The following SLC26A1 variants were observed in gnomAD, a reference collection of about 807,000 sequenced individuals.
SLC26A1 encodes sulfate anion transporter 1.
Under a neutral mutation model 14.5 loss-of-function variants are expected in SLC26A1, and 18 were observed. The ratio of observed to expected loss-of-function variants is 1.24; its 90% CI spans 0.86 to 1.84. SLC26A1 has a LOEUF of 1.84. SLC26A1 is among the 40% of genes most tolerant of loss of function. The probability of loss-of-function intolerance (pLI) is 0.00; values close to 1 mark genes in which losing one functional copy is unlikely to be tolerated. For missense variants in SLC26A1, 1,049 were observed against 1,020.0 expected, an observed-to-expected ratio of 1.03 and a Z score of -0.39; for synonymous variants, 505 against 492.0, an observed-to-expected ratio of 1.03 and a Z score of -0.35.
chr4:986,746 G>A, downstream of SLC26A1: 1 of 482,380 alleles, frequency 2.1e-6, no homozygotes, highest in Non-Finnish European at 4.1e-6. Context: ...GACAAAGCAA[G>A]ACTCTGTCTC....
chr4:986,679 C>A, downstream of SLC26A1: 1 of 429,882 alleles, frequency 2.3e-6, no homozygotes, highest in Middle Eastern at 3.6e-4. Flanking sequence ...ATCGCTGAAG[C>A]CCCGGAGATG....
intron 1 of SLC26A1, chr4:992,051 C>T (rs1577522730): frequency 1.4e-5 from 8 of 567,026 alleles, no homozygotes; most frequent in South Asian, 1.1e-4. Flanking sequence ...CCTATTGGCT[C>T]TGCGGTTCCT....
chr4:979,386 T>C (rs1265789372), exon 3 of SLC26A1: 35 of 1,338,132 alleles, frequency 2.6e-5, no homozygotes, highest in Non-Finnish European at 3.6e-5. Flanking sequence ...ATGTCGTTGA[T>C]GTCGGCATTT....
Position 990,289 on chromosome 4 carries a change from A to C in SLC26A1, c.650T>G (p.Met217Arg), listed in dbSNP as rs1300501994. 6.2e-7 allele frequency: 1 copy of C among 1,603,252 alleles called. No individual in the cohort carries two copies. The highest frequency in any genetic ancestry group is 8.5e-7 in the Non-Finnish European group (1 of 1,176,480). Residue 217 changes from methionine (M) to arginine (R), a missense_variant, in exon 3 of 3, where the codon ATG becomes AGG. Coordinates refer to ENST00000398516, the MANE Select transcript of SLC26A1 (RefSeq NM_022042.4). ...GGTCAGGATGGTCACGGAGGCCCCC[A>C]TGGCAAAGCCATCGAGCAGTGGCTG... The part of the protein sequence containing the change: ...LSQPLLDGFA[M>R]GASVTILTSQ...
chr4:981,592 C>T (rs1365547306), intron 2 of SLC26A1, among the ~76,000 whole-genome samples: 3 of 152,130 alleles, frequency 2.0e-5, no homozygotes, highest in East Asian at 1.9e-4. Context: ...GAGCCGTGAT[C>T]GCGCCACTGC....
At position 989,085 on chromosome 4, in the gene SLC26A1, CG is replaced by C; in HGVS notation, c.1853del (p.Pro618ArgfsTer5). 6.3e-7 allele frequency: 1 copy of C among 1,596,902 alleles called. No homozygotes were observed. Among genetic ancestry groups the C allele is most frequent in the Non-Finnish European group, 8.5e-7 (1 of 1,172,206 alleles). On this transcript the variant is annotated frameshift_variant, in exon 3 of 3. Coordinates refer to ENST00000398516, the MANE Select transcript of SLC26A1 (RefSeq NM_022042.4). LOFTEE classifies it low-confidence loss of function (END_TRUNC). ...GFHTVVIDCA[P>X]LLFLDAAGVS... ...CACCGGCTGCGTCTAGGAACAGCAG[CG>C]GGGCGCAGTCGATGACCACTGTGTG... is the stretch of plus-strand genomic sequence containing the variant.
At chr4:987,607 C>T (rs1713836356), downstream of SLC26A1, 1 of 1,434,938 alleles carries the variant, frequency 7.0e-7, no homozygotes. Flanking sequence ...GGCGTTGGCC[C>T]CTCGTCTTAC....
intron 2 of SLC26A1, among the ~76,000 whole-genome samples, chr4:981,420 C>T (rs567988137): frequency 6.6e-6 from 1 of 152,156 alleles, no homozygotes; most frequent in Non-Finnish European, 1.5e-5. Flanking sequence ...TAAACCAGCC[C>T]GGGCAAGACA....
rs1714066207 is a variant in SLC26A1, at chr4:989,583, C to T, written c.1356G>A (p.Gly452=). 6.3e-7 allele frequency: 1 copy of T among 1,597,994 alleles called. No individual in the cohort carries two copies. The highest frequency in any genetic ancestry group is 8.5e-7 in the Non-Finnish European group (1 of 1,173,990). Residue 452 remains glycine (G), a synonymous_variant, in exon 3 of 3, where the codon GGG becomes GGA. Transcript: ENST00000398516. The part of the protein sequence containing the change: ...LACVIVVSLR[G]ALRKVWDLPR... ...GGAGGTCCCACACCTTGCGCAGGGC[C>T]CCCCGCAGGCTGACCACGATGACGC... is the stretch of plus-strand genomic sequence containing the variant.
chr4:985,588 G>A (rs1481721374), downstream of SLC26A1, among the ~76,000 whole-genome samples: 1 of 152,118 alleles, frequency 6.6e-6, no homozygotes, highest in African/African-American at 2.4e-5. Context: ...TCGTTGGACT[G>A]AGGGTCTTAC....
chr4:986,700 T>G, downstream of SLC26A1: 1 of 445,958 alleles, frequency 2.2e-6, no homozygotes, highest in South Asian at 1.6e-5. Flanking sequence ...GAGGTTGCAG[T>G]GAGCTGAGAT....
At chr4:990,485 C>G (rs1220371323) in intron 2 of SLC26A1, 123 bp from the exon 3 acceptor site, 2 of 989,858 alleles carry the variant, frequency 2.0e-6, no homozygotes, top group African/African-American at 3.3e-5. Context: ...TGTGTTGCGG[C>G]CCCGTGTGTT....
rs753181255 is a variant in SLC26A1 at position 989,874 on chromosome 4, G to A, written c.1065C>T (p.Phe355=). ...AVALALVAAA[F]SISLAEMFAR... ...CGAACATCTCCGCCAGCGAGATGGA[G>A]AAGGCGGCAGCCACGAGGGCCAGGG... Residue 355 remains phenylalanine (F), a synonymous_variant, in exon 3 of 3, where the codon TTC becomes TTT. Transcript: ENST00000398516. 1.1e-5 allele frequency: 18 copies of A among 1,573,618 alleles called. No homozygotes were observed. The South Asian group carries it at 2.0e-4, about 17-fold the overall frequency.
Position 989,787 on chromosome 4 carries a change from G to A in SLC26A1, c.1152C>T (p.Asn384=), listed in dbSNP as rs140876735. The A allele has an allele frequency of 1.1e-4, 165 of 1,569,192 alleles. No individual in the cohort carries two copies. The highest frequency in any genetic ancestry group is 2.6e-4 in the Admixed American group (14 of 53,200). ...NQELLAVGCC[N]VLPAFLHCFA... ...AGCAGTGGAGGAAGGCGGGTAGCAC[G>A]TTGCAGCAGCCCACAGCCAGCAGCT... Residue 384 remains asparagine, a synonymous_variant, in exon 3 of 3, where the codon AAC becomes AAT. Coordinates refer to ENST00000398516, the MANE Select transcript of SLC26A1 (RefSeq NM_022042.4).
chr4:991,084 G>A lies in SLC26A1; in HGVS notation c.576+44C>T, dbSNP rs199626442. ...CTCGTGGATGGCCAAAACCTAAGGG[G>A]GGGTGCCCTGGGCCCCTCCCTGTGC... is the stretch of plus-strand genomic sequence containing the variant. On this transcript the variant is annotated intron_variant, in intron 2 of 2. Transcript: ENST00000398516. 471 of 1,505,058 alleles carry A rather than the reference G, an allele frequency of 3.1e-4. 3 individuals carry two copies. In the African/African-American group the frequency reaches 6.1e-3, roughly 19 times the overall value. The allele number at this position is 1,505,058 out of a possible 1,614,324, so 93.2% of individuals were successfully genotyped here.
Position 989,074 on chromosome 4 carries a change from AG to A in SLC26A1, c.1864del (p.Leu622Ter), listed in dbSNP as rs1553915173. Reference protein sequence around the residue: ...VVIDCAPLLFLDAAGVSTLQD... With the variant: ...VVIDCAPLLFXDAAGVSTLQD... The stretch of plus-strand genomic sequence containing the variant: ...CAGCGTGCTCACACCGGCTGCGTCT[AG>A]GAACAGCAGCGGGGCGCAGTCGATG... On this transcript the variant is annotated frameshift_variant, in exon 3 of 3. Coordinates refer to ENST00000398516, the MANE Select transcript of SLC26A1 (RefSeq NM_022042.4). LOFTEE classifies it low-confidence loss of function (END_TRUNC). The A allele has an allele frequency of 1.9e-6, 3 of 1,593,208 alleles. No homozygotes were observed. Among genetic ancestry groups the A allele is most frequent in the Non-Finnish European group, 2.6e-6 (3 of 1,170,364 alleles).
Position 989,191 on chromosome 4 carries a change from C to G in SLC26A1, c.1748G>C (p.Gly583Ala), listed in dbSNP as rs376515646. 5.0e-6 allele frequency: 8 copies of G among 1,607,402 alleles called. No individual in the cohort carries two copies. The African/African-American group carries it at 1.1e-4, about 21-fold the overall frequency. The change falls in exon 3 of 3, where the codon GGT becomes GCT. Residue 583 changes from glycine (G) to alanine (A), a missense_variant. Physicochemically the swap from Gly to Ala is moderately conservative, Grantham distance 60 (BLOSUM62 0). Coordinates refer to ENST00000398516, the MANE Select transcript of SLC26A1 (RefSeq NM_022042.4). ...CTCGCCCTGGGCAGGGCCTCCCTCACCGACCCCCGTCTCTGAGCCCCCCTC... is the reference window on the plus strand; with the variant it reads ...CTCGCCCTGGGCAGGGCCTCCCTCAGCGACCCCCGTCTCTGAGCCCCCCTC... ...RKEGGSETGV[G>A]EGGPAQGEDL...
chr4:981,573 G>A (rs993421031), intron 2 of SLC26A1, among the ~76,000 whole-genome samples: 25 of 152,204 alleles, frequency 1.6e-4, no homozygotes, highest in Non-Finnish European at 2.2e-4. Context: ...GAGAGGTCGA[G>A]GCTGTAGTGA....
At chr4:992,231 G>C (rs1044869172) in intron 1 of SLC26A1, 1 of 457,380 alleles carries the variant, frequency 2.2e-6, no homozygotes, top group African/African-American at 2.0e-5. Flanking sequence ...GGCTCCCCAG[G>C]TTGGCAAACG....
Sources: gnomAD v4.1 joint callset for allele counts (sites outside exome capture counted in the v4.1 genomes callset) on GRCh38, gnomAD v4.1.1 for gene constraint, MANE v1.5 for transcripts, NCBI Gene and HGNC (gene_info 2026-07-23, HGNC 2026-07-21) for gene names.